The following PXN variants were observed in gnomAD, a reference collection of about 807,000 sequenced individuals.
PXN encodes testicular tissue protein Li 134.
A neutral mutation model predicts 103.6 loss-of-function variants in PXN; 61 were observed. That is an observed-to-expected ratio of 0.59 (90% CI 0.48 to 0.73). The LOEUF is 0.73. PXN is among the 30% of genes least tolerant of loss of function. PXN has a pLI of 0.00. For missense variants in PXN, 1,274 were observed against 1,460.3 expected (o/e 0.87, Z 2.08); for synonymous variants, 562 against 607.8 (o/e 0.92, Z 1.11).
intron 1 of PXN, among the ~76,000 whole-genome samples, chr12:120,230,081 C>T (rs1887697322): frequency 6.6e-6 from 1 of 152,228 alleles, no homozygotes; most frequent in African/African-American, 2.4e-5. Flanking sequence ...CCCCTTCACC[C>T]ACCTTCTTCT....
Position 120,226,591 on chromosome 12 carries a change from G to A in PXN, c.14-2214C>T, listed in dbSNP as rs1027905784. 3 of 1,192,618 alleles carry A rather than the reference G, an allele frequency of 2.5e-6. No individual in the cohort carries two copies. In the African/African-American group the frequency reaches 4.8e-5, roughly 19 times the overall value. The allele number at this position is 1,192,618 out of a possible 1,614,324, so 73.9% of individuals were successfully genotyped here. ...CACCACAATGTGATTCTAAGCCTGGGCTTTTGGTTTATGGATTGGATTCAG... is the reference window on the plus strand; with the variant it reads ...CACCACAATGTGATTCTAAGCCTGGACTTTTGGTTTATGGATTGGATTCAG... On this transcript the variant is annotated intron_variant, in intron 1 of 14. Coordinates refer to ENST00000637617, the MANE Select transcript of PXN (RefSeq NM_001385981.1).
Position 120,224,463 on chromosome 12 carries a change from G to A in PXN, c.14-86C>T. ...AGGGCCCTCCCTGCCTGCACCTCAA[G>A]AGTTAATGCCTTCTAGCACCTGCCC... On this transcript the variant is annotated intron_variant, in intron 1 of 14. Coordinates refer to ENST00000637617, the MANE Select transcript of PXN (RefSeq NM_001385981.1). The surrounding 1 kb of genome is among the most constrained non-coding windows in gnomAD (Gnocchi z 5.0). The A allele has an allele frequency of 1.0e-6, 1 of 966,986 alleles. No individual in the cohort carries two copies. Among genetic ancestry groups the A allele is most frequent in the East Asian group, 2.4e-5 (1 of 41,986 alleles). 59.9% of individuals were successfully genotyped at this position (966,986 alleles called of 1,614,324 possible).
At chr12:120,245,287 G>A (rs535119346) in intron 1 of PXN, among the ~76,000 whole-genome samples, 114 of 152,148 alleles carry the variant, frequency 7.5e-4, no homozygotes, top group African/African-American at 2.7e-3. Context: ...GAGACTGACA[G>A]CATCGATTAT....
rs961121583 is a variant in PXN at position 120,211,284 on chromosome 12, G to C, written c.*1030C>G. 2.0e-5 allele frequency: 3 copies of C among 152,846 alleles called. No individual in the cohort carries two copies. Among genetic ancestry groups the C allele is most frequent in the Admixed American group, 1.3e-4 (2 of 15,324 alleles). 9.5% of individuals were successfully genotyped at this position (152,846 alleles called of 1,614,324 possible). On this transcript the variant is annotated 3_prime_UTR_variant, in exon 15 of 15. Transcript: ENST00000637617. ...GTTTCAGTGAAGAGCTTGCTGGCCTGGGAAGTAAAGAAGGGGTTTCCAAAT... is the reference window on the plus strand; with the variant it reads ...GTTTCAGTGAAGAGCTTGCTGGCCTCGGAAGTAAAGAAGGGGTTTCCAAAT...
At chr12:120,223,043 G>A in intron 3 of PXN, 44 bp from the exon 4 acceptor site, 1 of 1,613,570 alleles carries the variant, frequency 6.2e-7, no homozygotes, top group Non-Finnish European at 8.5e-7. Context: ...ATGCTTTCTG[G>A]CCTTGTACTG....
At chr12:120,238,000 C>A (rs918067067) in intron 1 of PXN, among the ~76,000 whole-genome samples, 24 of 152,224 alleles carry the variant, frequency 1.6e-4, no homozygotes, top group Non-Finnish European at 1.5e-5. Flanking sequence ...AATGCCCCGG[C>A]CACTGTCCTG....
At position 120,228,690 on chromosome 12, in the gene PXN, A is replaced by G. The variant is rs971948334; in HGVS notation, c.14-4313T>C. Among the ~76,000 whole-genome samples, 1 of 152,228 alleles carries G rather than the reference A, an allele frequency of 6.6e-6. No homozygotes were observed. The highest frequency in any genetic ancestry group is 2.4e-5 in the African/African-American group (1 of 41,458). ...CACAGCAAGCTAGTGGGAGGAACACAGGTAGCCTGGTATCACTTGAAGGCA... is the reference window on the plus strand; with the variant it reads ...CACAGCAAGCTAGTGGGAGGAACACGGGTAGCCTGGTATCACTTGAAGGCA... On this transcript the variant is annotated intron_variant, in intron 1 of 14. Transcript: ENST00000637617. The surrounding 1 kb of genome is among the most constrained non-coding windows in gnomAD (Gnocchi z 4.7).
chr12:120,246,514 CAAAAAAAAAAAA>C lies in PXN; in HGVS notation c.13+19091_13+19102del, dbSNP rs139689226. Among the ~76,000 whole-genome samples, 17 of 58,336 alleles carry C rather than the reference CAAAAAAAAAAAA, an allele frequency of 2.9e-4. 1 individual carries two copies. The highest frequency in any genetic ancestry group is 1.1e-3 in the African/African-American group (17 of 16,032). 38.3% of individuals were successfully genotyped at this position (58,336 alleles called of 152,430 possible). On this transcript the variant is annotated intron_variant, in intron 1 of 14. Transcript: ENST00000637617. ...TGGGGGACAGAGAAAGACTCTGTCT[CAAAAAAAAAAAA>C]AAAAAAAGAAAAAAGAAAAGAAAAA... is the stretch of plus-strand genomic sequence containing the variant.
chr12:120,238,636 G>A (rs1160174992), intron 1 of PXN, among the ~76,000 whole-genome samples: 8 of 152,248 alleles, frequency 5.3e-5, no homozygotes, highest in Non-Finnish European at 1.0e-4. Context: ...ATGTACACAC[G>A]TGGAGCATTC....
intron 1 of PXN, among the ~76,000 whole-genome samples, chr12:120,240,230 C>A (rs900663286): frequency 3.9e-5 from 6 of 152,140 alleles, no homozygotes; most frequent in Admixed American, 3.3e-4. Flanking sequence ...AAGCACACAG[C>A]CATGCATATC....
intron 1 of PXN, among the ~76,000 whole-genome samples, chr12:120,244,891 C>A (rs1890798286): frequency 6.6e-6 from 1 of 151,520 alleles, no homozygotes; most frequent in Admixed American, 6.6e-5. Context: ...AGGAATAGTC[C>A]ACAAGACTTT....
At position 120,228,583 on chromosome 12, in the gene PXN, G is replaced by A. The variant is rs140679343; in HGVS notation, c.14-4206C>T. On this transcript the variant is annotated intron_variant, in intron 1 of 14. Coordinates refer to ENST00000637617, the MANE Select transcript of PXN (RefSeq NM_001385981.1). This position sits in a 1 kb window ranked among gnomAD's most constrained non-coding sequence, Gnocchi z 4.7. ...CCTCGTGCAATCTTGCAATTTTCTA[G>A]CCGGGGAAGACTGGGGAGCCCCTGG... 2.3e-3 allele frequency among the ~76,000 whole-genome samples: 344 copies of A among 152,314 alleles called. No individual in the cohort carries two copies. Among genetic ancestry groups the A allele is most frequent in the African/African-American group, 7.6e-3 (314 of 41,574 alleles).
Position 120,224,928 on chromosome 12 carries a change from C to G in PXN, c.14-551G>C, listed in dbSNP as rs575140036. Reference sequence around the variant, plus strand: ...TCCAGGTTCCTCCTGAGGCTCTAGGCTTATGGGGTAAGGTGTGCGGGGAGG... The same window carrying G: ...TCCAGGTTCCTCCTGAGGCTCTAGGGTTATGGGGTAAGGTGTGCGGGGAGG... On this transcript the variant is annotated intron_variant, in intron 1 of 14. Coordinates refer to ENST00000637617, the MANE Select transcript of PXN (RefSeq NM_001385981.1). The surrounding 1 kb of genome is among the most constrained non-coding windows in gnomAD (Gnocchi z 5.0). 1.1e-4 allele frequency: 39 copies of G among 355,904 alleles called. No individual in the cohort carries two copies. The highest frequency in any genetic ancestry group is 2.1e-4 in the Non-Finnish European group (37 of 179,314). The allele number at this position is 355,904 out of a possible 1,614,324, so 22.0% of individuals were successfully genotyped here.
chr12:120,216,886 A>C lies in PXN; in HGVS notation c.1947T>G (p.Thr649=), dbSNP rs773575776. The C allele has an allele frequency of 6.6e-7, 1 of 1,516,154 alleles. No individual in the cohort carries two copies. Among genetic ancestry groups the C allele is most frequent in the Non-Finnish European group, 8.8e-7 (1 of 1,137,566 alleles). 93.9% of individuals were successfully genotyped at this position (1,516,154 alleles called of 1,614,324 possible). A position where few individuals can be genotyped will look rare whatever the true frequency, so the allele number is the denominator to read the frequency against. Residue 649 remains threonine, a synonymous_variant, in exon 8 of 15, where the codon ACT becomes ACG. Coordinates refer to ENST00000637617, the MANE Select transcript of PXN (RefSeq NM_001385981.1). The surrounding 1 kb of genome is among the most constrained non-coding windows in gnomAD (Gnocchi z 5.1). ...QDWLTEGVII[T]VQPRGKRAGG... ...CGGCCCGCTTCCCACGTGGCTGCAC[A>C]GTGATGATGACGCCCTCGGTCAGCC...
Position 120,222,573 on chromosome 12 carries a change from A to C in PXN, c.671T>G (p.Leu224Arg). Residue 224 changes from leucine to arginine, a missense_variant, in exon 5 of 15, where the codon CTG becomes CGG. Coordinates refer to ENST00000637617, the MANE Select transcript of PXN (RefSeq NM_001385981.1). This position sits in a 1 kb window ranked among gnomAD's most constrained non-coding sequence, Gnocchi z 4.7. Reference sequence around the variant, plus strand: ...CACGGGGCTGGGCACGGAGCTCTCCAGTTCATCCAAGAGACTCTCCACACT... The same window carrying C: ...CACGGGGCTGGGCACGGAGCTCTCCCGTTCATCCAAGAGACTCTCCACACT... The part of the protein sequence containing the change: ...RPSVESLLDE[L>R]ESSVPSPVPA... The C allele has an allele frequency of 6.2e-7, 1 of 1,605,242 alleles. No individual in the cohort carries two copies. Among genetic ancestry groups the C allele is most frequent in the Non-Finnish European group, 8.5e-7 (1 of 1,176,404 alleles).
chr12:120,211,953 G>GCC lies in PXN; in HGVS notation c.*359_*360dup, dbSNP rs139268715. ...CAACAGACCCTGCCTGCCCTTCCCT[G>GCC]CCCCCCGGCTGCACTGCTGAAATAT... On this transcript the variant is annotated 3_prime_UTR_variant, in exon 15 of 15. Coordinates refer to ENST00000637617, the MANE Select transcript of PXN (RefSeq NM_001385981.1). 4 of 556,288 alleles carry GCC rather than the reference G, an allele frequency of 7.2e-6. No individual in the cohort carries two copies. The African/African-American group carries it at 7.5e-5, about 10-fold the overall frequency. 34.5% of individuals were successfully genotyped at this position (556,288 alleles called of 1,614,324 possible). A position where few individuals can be genotyped will look rare whatever the true frequency, so the allele number is the denominator to read the frequency against.
chr12:120,258,941 T>C (rs1174668511), intron 1 of PXN, among the ~76,000 whole-genome samples: 3 of 151,958 alleles, frequency 2.0e-5, no homozygotes, highest in Admixed American at 1.3e-4. Context: ...TGGTGGTGCA[T>C]GCCTGTAATC....
rs1170191723 is a variant in PXN, at chr12:120,265,022, C to G, written c.13+595G>C. Among the ~76,000 whole-genome samples, 1 of 151,864 alleles carries G rather than the reference C, an allele frequency of 6.6e-6. No homozygotes were observed. The highest frequency in any genetic ancestry group is 1.5e-5 in the Non-Finnish European group (1 of 67,994). On this transcript the variant is annotated intron_variant, in intron 1 of 14. Coordinates refer to ENST00000637617, the MANE Select transcript of PXN (RefSeq NM_001385981.1). This position sits in a 1 kb window ranked among gnomAD's most constrained non-coding sequence, Gnocchi z 5.7. ...TTGAAATGGGGGTGTGGTCATCACA[C>G]GCTCATCTCTAGCTTTTGCATCTGA...
Position 120,219,302 on chromosome 12 carries a change from C to T in PXN, c.1621G>A (p.Ala541Thr). Residue 541 changes from alanine to threonine, a missense_variant, in exon 7 of 15, where the codon GCT (alanine) becomes ACT (threonine). Around this residue, in one of 2 missense-constraint regions of PXN, gnomAD observed 1,178 missense variants for 1,309.0 expected, o/e 0.90. Coordinates refer to ENST00000637617, the MANE Select transcript of PXN (RefSeq NM_001385981.1). The surrounding 1 kb of genome is among the most constrained non-coding windows in gnomAD (Gnocchi z 6.5). The stretch of plus-strand genomic sequence containing the variant: ...TGTTCCTTCCCGTCCTGGGTGGCAG[C>T]TTCCGTGGTGCCCTCTGGGCTCCTT... ...TPRSPEGTTE[A>T]ATQDGKEQPE... 1.3e-6 allele frequency: 2 copies of T among 1,598,456 alleles called. No homozygotes were observed. Among genetic ancestry groups the T allele is most frequent in the Non-Finnish European group, 1.7e-6 (2 of 1,179,812 alleles).
Sources: allele counts gnomAD v4.1 joint callset (sites outside exome capture counted in the v4.1 genomes callset), GRCh38; gene constraint gnomAD v4.1.1; regional missense constraint gnomAD v4.1.1; non-coding constraint Gnocchi (gnomAD v3.1); transcripts MANE v1.5; gene names NCBI Gene and HGNC (gene_info 2026-07-23, HGNC 2026-07-21).